PEAK1: variants seen among roughly 807,000 people sequenced by gnomAD.
The protein encoded by PEAK1 is pseudopodium enriched atypical kinase 1, also known as inactive tyrosine-protein kinase PEAK1.
A neutral mutation model predicts 124.7 loss-of-function variants in PEAK1; 54 were observed. The ratio of observed to expected loss-of-function variants is 0.43; its 90% confidence interval spans 0.35 to 0.54. The LOEUF (loss-of-function observed/expected upper bound fraction) is 0.54, where lower values mean the gene tolerates loss of function less well. Among genes scored for constraint, PEAK1 ranks in the 20% least tolerant of loss-of-function variants. The pLI is 0.01. For missense variants in PEAK1, 2,046 were observed against 2,134.5 expected (o/e 0.96, Z 0.82); for synonymous variants, 719 against 760.0 (o/e 0.95, Z 0.89).
Position 77,312,832 on chromosome 15 carries a change from G to A in PEAK1, c.-602-26328C>T, listed in dbSNP as rs1368162511. Among the ~76,000 whole-genome samples the A allele has an allele frequency of 2.0e-5, 3 of 152,220 alleles. No homozygotes were observed. The East Asian group carries it at 5.8e-4, about 29-fold the overall frequency. On this transcript the variant is annotated intron_variant, in intron 2 of 9. Transcript: ENST00000682557. ...ACTTGTACTTACATGTCCCTGGCCA[G>A]CACTGTGTCACAGGGCCAACCCTAG...
At chr15:77,315,204 A>G (rs1339853058) in intron 2 of PEAK1, among the ~76,000 whole-genome samples, 1 of 152,248 alleles carries the variant, frequency 6.6e-6, no homozygotes, top group African/African-American at 2.4e-5. Context: ...GGTTTTGAAT[A>G]GATCTTTATA....
intron 9 of PEAK1, among the ~76,000 whole-genome samples, chr15:77,127,129 G>A (rs2052443930): frequency 6.6e-6 from 1 of 152,140 alleles, no homozygotes; most frequent in Admixed American, 6.6e-5. Context: ...GCTTGCACAT[G>A]CTTCTTGTGT....
chr15:77,207,142 G>A (rs1285746529), intron 6 of PEAK1, among the ~76,000 whole-genome samples: 1 of 152,092 alleles, frequency 6.6e-6, no homozygotes, highest in South Asian at 2.1e-4. Context: ...TTAAACGTTA[G>A]ATCTAAAACC....
At chr15:77,137,166 A>G (rs1156417985) in intron 8 of PEAK1, among the ~76,000 whole-genome samples, 2 of 152,234 alleles carry the variant, frequency 1.3e-5, no homozygotes, top group African/African-American at 4.8e-5. Context: ...AAACACCTGG[A>G]TGCTGAGGCA....
Position 77,114,186 on chromosome 15 carries a change from A to G in PEAK1, c.5211T>C (p.Ser1737=). Residue 1737 remains serine, a synonymous_variant, in exon 10 of 10, where the codon AGT becomes AGC. Transcript: ENST00000682557. ...YLAFATTDSL[S]CIVKILQHR is the part of the protein sequence containing the mutation. Reference sequence around the variant, plus strand: ...GGTGCTGCAGAATTTTCACAATACAACTGAGGGAGTCTGTAGTGGCAAAAG... The same window carrying G: ...GGTGCTGCAGAATTTTCACAATACAGCTGAGGGAGTCTGTAGTGGCAAAAG... 1.2e-6 allele frequency: 2 copies of G among 1,614,150 alleles called. No individual in the cohort carries two copies. Among genetic ancestry groups the G allele is most frequent in the Non-Finnish European group, 1.7e-6 (2 of 1,180,006 alleles).
At chr15:77,322,164 C>A (rs1325559244) in intron 2 of PEAK1, among the ~76,000 whole-genome samples, 1 of 152,068 alleles carries the variant, frequency 6.6e-6, no homozygotes, top group Non-Finnish European at 1.5e-5. Context: ...TTAATGCCCA[C>A]AAGAGAAAGC....
intron 1 of PEAK1, among the ~76,000 whole-genome samples, chr15:77,406,531 T>C (rs962058170): frequency 5.3e-5 from 8 of 152,070 alleles, no homozygotes; most frequent in African/African-American, 1.9e-4. Flanking sequence ...CCTTTTATAA[T>C]AGCTGCAAAA....
intron 6 of PEAK1, among the ~76,000 whole-genome samples, chr15:77,229,188 CT>C (rs550849627): frequency 3.2e-4 from 49 of 152,174 alleles, no homozygotes; most frequent in African/African-American, 1.2e-3. Flanking sequence ...TAAGATATAC[CT>C]TTCTTAAGGC....
chr15:77,209,286 C>A (rs1054400269), intron 6 of PEAK1, among the ~76,000 whole-genome samples: 3 of 152,122 alleles, frequency 2.0e-5, no homozygotes, highest in Non-Finnish European at 4.4e-5. Flanking sequence ...CACTAGCAAA[C>A]GGAGATTTTC....
In PEAK1 at chr15:77,181,437, G is replaced by C. The variant is rs1486846658; in HGVS notation, c.490C>G (p.Gln164Glu). 6.2e-7 allele frequency: 1 copy of C among 1,614,108 alleles called. No homozygotes were observed. Among genetic ancestry groups the C allele is most frequent in the Admixed American group, 1.7e-5 (1 of 60,020 alleles). The change falls in exon 7 of 10, where the codon CAG becomes GAG. Residue 164 changes from glutamine to glutamate, a missense_variant. Transcript: ENST00000682557. ...GAGTTTGTTTCATTTCCTCTTATCT[G>C]AGGGGCAGTATCCAAGCCTGCTATC... ...KEIAGLDTAP[Q>E]IRGNETNSRE... is the part of the protein sequence containing the mutation.
intron 1 of PEAK1, among the ~76,000 whole-genome samples, chr15:77,412,453 G>A (rs1322177197): frequency 6.6e-6 from 1 of 152,102 alleles, no homozygotes; most frequent in Non-Finnish European, 1.5e-5. Context: ...AAAAACCTTG[G>A]AGTGATCCAT....
intron 8 of PEAK1, among the ~76,000 whole-genome samples, chr15:77,137,489 G>A (rs1454027881): frequency 2.0e-5 from 3 of 152,188 alleles, no homozygotes; most frequent in African/African-American, 2.4e-5. Context: ...ATCATGACCC[G>A]GATGCAAGAC....
At chr15:77,202,999 T>C (rs992299255) in intron 6 of PEAK1, among the ~76,000 whole-genome samples, 23 of 148,592 alleles carry the variant, frequency 1.5e-4, no homozygotes, top group African/African-American at 5.5e-4. Context: ...ATCATACCAT[T>C]GCACTCCAGC....
In PEAK1 at chr15:77,182,749, CAAAAA is replaced by C. The variant is rs71143395; in HGVS notation, c.-114-714_-114-710del. On this transcript the variant is annotated intron_variant, in intron 6 of 9. Transcript: ENST00000682557. ...TGGGTGACAGAGTGAGACCTTGTCTCAAAAAAAAAAAAAAAAAAAAGGCTGAAAAG... is the reference window on the plus strand; with the variant it reads ...TGGGTGACAGAGTGAGACCTTGTCTCAAAAAAAAAAAAAAAGGCTGAAAAG... Among the ~76,000 whole-genome samples the C allele has an allele frequency of 7.2e-4, 47 of 65,142 alleles. 1 individual carries two copies. Among genetic ancestry groups the C allele is most frequent in the African/African-American group, 2.5e-3 (41 of 16,192 alleles). The allele number at this position is 65,142 out of a possible 152,430, so 42.7% of individuals were successfully genotyped here. A position where few individuals can be genotyped will look rare whatever the true frequency, so the allele number is the denominator to read the frequency against.
chr15:77,417,474 G>GGGGGGGC, intron 1 of PEAK1: 1 of 921,892 alleles, frequency 1.1e-6, no homozygotes, highest in Non-Finnish European at 1.3e-6. Flanking sequence ...GGGGAGGGGG[G>GGGGGGGC]CAAGAGGTAG....
At chr15:77,278,562 C>T (rs1396773792) in intron 5 of PEAK1, 7 of 496,312 alleles carry the variant, frequency 1.4e-5, no homozygotes, top group Non-Finnish European at 2.8e-5. Context: ...ACTAAACCTG[C>T]TCCTCCAAAG....
chr15:77,176,410 C>T (rs944122665), intron 7 of PEAK1, among the ~76,000 whole-genome samples: 1 of 151,880 alleles, frequency 6.6e-6, no homozygotes, highest in Non-Finnish European at 1.5e-5. Context: ...ACCAGCAGTT[C>T]TAAGTGTGAC....
At chr15:77,134,257 T>C (rs573093083) in intron 8 of PEAK1, among the ~76,000 whole-genome samples, 26 of 152,348 alleles carry the variant, frequency 1.7e-4, no homozygotes, top group Admixed American at 1.5e-3. Flanking sequence ...CAAAGTTACA[T>C]TGTATTATAT....
At chr15:77,301,206 T>A (rs1042773900) in intron 2 of PEAK1, among the ~76,000 whole-genome samples, 23 of 152,172 alleles carry the variant, frequency 1.5e-4, no homozygotes, top group African/African-American at 4.3e-4. Flanking sequence ...CCTTGACTCT[T>A]CTAACTTCTG....
Sources: allele counts gnomAD v4.1 joint callset (sites outside exome capture counted in the v4.1 genomes callset), GRCh38; gene constraint gnomAD v4.1.1; transcripts MANE v1.5; gene names NCBI Gene and HGNC (gene_info 2026-07-23, HGNC 2026-07-21).